SLC14A2: variants seen among roughly 807,000 people sequenced by gnomAD.
The protein encoded by SLC14A2 is solute carrier family 14 member 2, also known as urea transporter 2.
A neutral mutation model predicts 104.6 loss-of-function variants in SLC14A2; 91 were observed. The observed-to-expected ratio is 0.87, with a 90% CI of 0.73 to 1.04. The LOEUF is 1.04. Among genes scored for constraint, SLC14A2 ranks in the 50% least tolerant of loss-of-function variants. The pLI, the probability that SLC14A2 is intolerant of heterozygous loss-of-function variation, is 0.00. For synonymous variants in SLC14A2, 476 were observed against 466.4 expected (o/e 1.02, Z -0.27); for missense variants, 1,189 against 1,156.0 (o/e 1.03, Z -0.41).
intron 6 of SLC14A2, among the ~76,000 whole-genome samples, chr18:45,639,453 T>A (rs1450368858): frequency 1.3e-5 from 2 of 151,608 alleles, no homozygotes; most frequent in Non-Finnish European, 2.9e-5. Context: ...AGGGAGGAGG[T>A]GCATTCTGGT....
chr18:45,656,047 G>A lies in SLC14A2; in HGVS notation c.1352-7738G>A, dbSNP rs115130847. 7.2e-3 allele frequency among the ~76,000 whole-genome samples: 1,093 copies of A among 152,254 alleles called. 14 individuals carry two copies. The highest frequency in any genetic ancestry group is 0.025 in the African/African-American group (1,040 of 41,518). The stretch of plus-strand genomic sequence containing the variant: ...AACTCAAAGGATCACTTGGTTACAC[G>A]GAATTGCTAATTCCAAATAGTTTCA... On this transcript the variant is annotated intron_variant, in intron 10 of 19. Coordinates refer to ENST00000255226, the MANE Select transcript of SLC14A2 (RefSeq NM_007163.4).
intron 2 of SLC14A2, among the ~76,000 whole-genome samples, chr18:45,605,720 C>T (rs1221845749): frequency 6.6e-6 from 1 of 152,136 alleles, no homozygotes; most frequent in Non-Finnish European, 1.5e-5. Context: ...GATCCCAGGT[C>T]TCCTCACTCC....
intron 2 of SLC14A2, 88 bp from the exon 3 acceptor site, chr18:45,625,595 C>T: frequency 9.0e-7 from 1 of 1,114,848 alleles, no homozygotes; most frequent in Non-Finnish European, 1.2e-6. Flanking sequence ...TTATTTTTAT[C>T]AAAAAACCTG....
intron 1 of SLC14A2, among the ~76,000 whole-genome samples, chr18:45,333,469 T>C (rs2085309172): frequency 6.6e-6 from 1 of 152,228 alleles, no homozygotes; most frequent in South Asian, 2.1e-4. Flanking sequence ...TTTAATGCCC[T>C]TTAATTTGTA....
chr18:45,418,177 C>G (rs1034656363), intron 1 of SLC14A2, among the ~76,000 whole-genome samples: 1 of 152,120 alleles, frequency 6.6e-6, no homozygotes, highest in African/African-American at 2.4e-5. Flanking sequence ...TTGTAAATGC[C>G]AAGGACACTG....
At chr18:45,433,764 C>T (rs1178212905) in intron 1 of SLC14A2, among the ~76,000 whole-genome samples, 3 of 152,176 alleles carry the variant, frequency 2.0e-5, no homozygotes, top group African/African-American at 7.2e-5. Context: ...TTTAAGCACT[C>T]ATTATTGATG....
chr18:45,342,782 G>A (rs1329930580), intron 1 of SLC14A2, among the ~76,000 whole-genome samples: 3 of 152,254 alleles, frequency 2.0e-5, no homozygotes, highest in South Asian at 2.1e-4. Flanking sequence ...TATTCCTAAC[G>A]TCCAAGACCT....
intron 1 of SLC14A2, among the ~76,000 whole-genome samples, chr18:45,278,082 T>G (rs1301841769): frequency 6.6e-6 from 1 of 152,170 alleles, no homozygotes. Context: ...TAATAAACAT[T>G]GTGACTCTGA....
At chr18:45,494,232 T>C (rs1246786128) in intron 2 of SLC14A2, among the ~76,000 whole-genome samples, 1 of 152,158 alleles carries the variant, frequency 6.6e-6, no homozygotes, top group Non-Finnish European at 1.5e-5. Flanking sequence ...ACAGGAGAAA[T>C]CACAAATTCC....
At chr18:45,326,401 T>C (rs2085234646) in intron 1 of SLC14A2, among the ~76,000 whole-genome samples, 1 of 152,128 alleles carries the variant, frequency 6.6e-6, no homozygotes, top group Non-Finnish European at 1.5e-5. Context: ...TACCATTGAA[T>C]GTGGGAATCA....
chr18:45,208,394 T>C (rs2083933092), upstream of SLC14A2, among the ~76,000 whole-genome samples: 1 of 152,216 alleles, frequency 6.6e-6, no homozygotes, highest in South Asian at 2.1e-4. Flanking sequence ...CGTTCATTTC[T>C]GAGAGACATA....
In SLC14A2 at chr18:45,673,816, C is replaced by T. The variant is rs149874746; in HGVS notation, c.2511C>T (p.Cys837=). 120 of 1,613,768 alleles carry T rather than the reference C, an allele frequency of 7.4e-5. No individual in the cohort carries two copies. The Admixed American group carries it at 8.3e-4, about 11-fold the overall frequency. The part of the protein sequence containing the change: ...TWQTHLLAIA[C]ALFAAYLGAA... ...AGACGCACCTCCTCGCCATCGCCTGCGGTAGGTACTCCCCACAGAGGATTT... is the reference window on the plus strand; with the variant it reads ...AGACGCACCTCCTCGCCATCGCCTGTGGTAGGTACTCCCCACAGAGGATTT... Residue 837 remains cysteine (C), a splice_region_variant and synonymous_variant, in exon 18 of 20, where the codon TGC becomes TGT. Coordinates refer to ENST00000255226, the MANE Select transcript of SLC14A2 (RefSeq NM_007163.4).
At chr18:45,294,183 C>T (rs1480509461) in intron 1 of SLC14A2, among the ~76,000 whole-genome samples, 1 of 152,000 alleles carries the variant, frequency 6.6e-6, no homozygotes, top group African/African-American at 2.4e-5. Flanking sequence ...ATCAAATAGG[C>T]AGATATTTTT....
At chr18:45,624,897 C>T (rs1599080452) in intron 2 of SLC14A2, 83 bp downstream of exon 2, 1 of 1,404,136 alleles carries the variant, frequency 7.1e-7, no homozygotes, top group Admixed American at 1.9e-5. Flanking sequence ...TTCCCACCTT[C>T]CCAGTGAACT....
At chr18:45,599,860 C>T (rs1469880460) in intron 2 of SLC14A2, among the ~76,000 whole-genome samples, 2 of 152,172 alleles carry the variant, frequency 1.3e-5, no homozygotes, top group African/African-American at 4.8e-5. Flanking sequence ...AAAGAGAGAG[C>T]TCATGCAGGG....
At chr18:45,654,714 A>G (rs2045801898) in intron 10 of SLC14A2, among the ~76,000 whole-genome samples, 1 of 152,142 alleles carries the variant, frequency 6.6e-6, no homozygotes, top group African/African-American at 2.4e-5. Flanking sequence ...GTGGTAAATG[A>G]GGCTGGACAA....
intron 19 of SLC14A2, 100 bp downstream of exon 19, chr18:45,679,124 C>A: frequency 1.8e-6 from 2 of 1,082,262 alleles, no homozygotes; most frequent in East Asian, 2.4e-5. Context: ...AAGAACTCTT[C>A]CCCAGTTCAT....
rs532536574 is a variant in SLC14A2 at position 45,239,845 on chromosome 18, T to C, written c.-125+26654T>C. 2.4e-4 allele frequency among the ~76,000 whole-genome samples: 37 copies of C among 152,328 alleles called. 1 individual carries two copies. The highest frequency in any genetic ancestry group is 1.7e-3 in the Admixed American group (26 of 15,308). On this transcript the variant is annotated intron_variant, in intron 1 of 20. Transcript: ENST00000586448. ...CCCTGCCAGGTACTAACCAAAGATC[T>C]TCATATAGAGTGAATGAATGAATCC... is the stretch of plus-strand genomic sequence containing the variant.
chr18:45,203,647 G>A, the SLC14A2 span, among the ~76,000 whole-genome samples: 1 of 152,126 alleles, frequency 6.6e-6, no homozygotes, highest in Non-Finnish European at 1.5e-5. Context: ...ACTTTTGGTG[G>A]CATGGAGAAA....
Sources: allele counts gnomAD v4.1 joint callset (sites outside exome capture counted in the v4.1 genomes callset), GRCh38; gene constraint gnomAD v4.1.1; transcripts MANE v1.5; gene names NCBI Gene and HGNC (gene_info 2026-07-23, HGNC 2026-07-21).